DHRS7: variants seen among roughly 807,000 people sequenced by gnomAD.
DHRS7 encodes dehydrogenase/reductase SDR family member 7.
A neutral mutation model predicts 38.9 loss-of-function variants in DHRS7; 34 were observed. The ratio of observed to expected loss-of-function variants is 0.87; its 90% CI spans 0.66 to 1.16. The LOEUF (loss-of-function observed/expected upper bound fraction) is 1.16, where lower values mean the gene tolerates loss of function less well. Ranked by LOEUF, DHRS7 falls within the 50% of genes most tolerant of loss-of-function variation. DHRS7 has a pLI of 0.00. For missense variants in DHRS7, 421 were observed against 407.0 expected, an observed-to-expected ratio of 1.03 and a Z score of -0.30; for synonymous variants, 158 against 153.1, an observed-to-expected ratio of 1.03 and a Z score of -0.24.
upstream of DHRS7, chr14:60,165,403 A>G (rs1024336281): frequency 1.5e-4 from 223 of 1,476,440 alleles, 4 homozygotes; most frequent in South Asian, 2.8e-3. The surrounding 1 kb of genome is among the most constrained non-coding windows in gnomAD (Gnocchi z 4.6). Context: ...CCCTTCGGCC[A>G]GCCCAGAGCC....
Position 60,150,196 on chromosome 14 carries a change from C to CAAAAAAA in DHRS7, c.634-16_634-10dup. On this transcript the variant is annotated splice_polypyrimidine_tract_variant and intron_variant, in intron 4 of 6. Coordinates refer to ENST00000557185, the MANE Select transcript of DHRS7 (RefSeq NM_016029.4). ...AGGCCATTAAAAAAACCCTAACAGA[C>CAAAAAAA]AAAAAAAAAAAAAAAGGAAAAAGGC... The CAAAAAAA allele has an allele frequency of 8.4e-7, 1 of 1,187,718 alleles. No individual in the cohort carries two copies. 73.6% of individuals were successfully genotyped at this position (1,187,718 alleles called of 1,614,324 possible). A position where few individuals can be genotyped will look rare whatever the true frequency, so the allele number is the denominator to read the frequency against.
intron 1 of DHRS7, chr14:60,158,975 G>A: frequency 2.9e-6 from 1 of 343,834 alleles, no homozygotes; most frequent in Non-Finnish European, 5.6e-6. Flanking sequence ...GTGTCGGTGG[G>A]TCCAAGTGTC....
At chr14:60,156,911 A>C (rs1467690420) in intron 1 of DHRS7, among the ~76,000 whole-genome samples, 1 of 152,244 alleles carries the variant, frequency 6.6e-6, no homozygotes, top group Non-Finnish European at 1.5e-5. Flanking sequence ...TACTAAAGCA[A>C]TGACAAATGG....
chr14:60,166,807 T>A (rs1297484798), upstream of DHRS7, among the ~76,000 whole-genome samples: 1 of 152,240 alleles, frequency 6.6e-6, no homozygotes, highest in African/African-American at 2.4e-5. Context: ...AACTTTAGAA[T>A]CCTTGAAATA....
intron 4 of DHRS7, 186 bp downstream of exon 4, chr14:60,152,753 G>T: frequency 1.6e-6 from 1 of 613,804 alleles, no homozygotes. Flanking sequence ...TGTTCAACAA[G>T]TTAGAGGCAT....
upstream of DHRS7, chr14:60,166,120 C>T (rs920791892): frequency 1.5e-6 from 1 of 687,690 alleles, no homozygotes; most frequent in Non-Finnish European, 1.8e-6. Flanking sequence ...CTCTAATACA[C>T]AAAAGAGTAA....
rs1336404870 is a variant in DHRS7, at chr14:60,144,136, A to C, written c.*830T>G. On this transcript the variant is annotated 3_prime_UTR_variant, in exon 7 of 7. Transcript: ENST00000557185. ...CACTCCAGTACAGTAGAAGACATAC[A>C]ACAGGTGTTTAATGAATAATAGGTG... 2.6e-5 allele frequency: 4 copies of C among 152,266 alleles called. No homozygotes were observed. Among genetic ancestry groups the C allele is most frequent in the Non-Finnish European group, 2.9e-5 (2 of 68,074 alleles). 9.4% of individuals were successfully genotyped at this position (152,266 alleles called of 1,614,324 possible).
At chr14:60,168,137 T>C (rs1896889732), upstream of DHRS7, among the ~76,000 whole-genome samples, 1 of 152,234 alleles carries the variant, frequency 6.6e-6, no homozygotes, top group African/African-American at 2.4e-5. Context: ...CTTACTTTCT[T>C]ACCTTTAGTA....
At chr14:60,155,855 C>CA in intron 2 of DHRS7, 145 bp downstream of exon 2, 1 of 830,268 alleles carries the variant, frequency 1.2e-6, no homozygotes, top group South Asian at 5.1e-5. Context: ...CCAATTAAGG[C>CA]AAAAAGGAGA....
chr14:60,150,193 AGAC>A lies in DHRS7; in HGVS notation c.634-9_634-7del. The A allele has an allele frequency of 2.1e-6, 3 of 1,444,910 alleles. No individual in the cohort carries two copies. The highest frequency in any genetic ancestry group is 9.1e-7 in the Non-Finnish European group (1 of 1,101,142). 89.5% of individuals were successfully genotyped at this position (1,444,910 alleles called of 1,614,324 possible). ...CGAAGGCCATTAAAAAAACCCTAAC[AGAC>A]AAAAAAAAAAAAAAAGGAAAAAGGC... On this transcript the variant is annotated splice_polypyrimidine_tract_variant and splice_region_variant and intron_variant, in intron 4 of 6. Transcript: ENST00000557185.
At chr14:60,160,343 C>CTT (rs752997109) in intron 1 of DHRS7, among the ~76,000 whole-genome samples, 34 of 116,760 alleles carry the variant, frequency 2.9e-4, no homozygotes, top group East Asian at 1.2e-3. Flanking sequence ...AAAAAAACTT[C>CTT]TTTTTTTTTT....
intron 1 of DHRS7, among the ~76,000 whole-genome samples, chr14:60,158,232 GAAAAAA>G (rs34207942): frequency 2.2e-4 from 18 of 83,164 alleles, no homozygotes; most frequent in South Asian, 4.9e-4. Context: ...GACTCTGTCG[GAAAAAA>G]AAAAAAAAAA....
At chr14:60,164,832 G>A (rs1404793861) in intron 1 of DHRS7, among the ~76,000 whole-genome samples, 1 of 152,192 alleles carries the variant, frequency 6.6e-6, no homozygotes, top group Non-Finnish European at 1.5e-5. Flanking sequence ...CGTCCTCTGA[G>A]ACAACACCAG....
intron 1 of DHRS7, among the ~76,000 whole-genome samples, chr14:60,160,889 C>T (rs1896753339): frequency 6.6e-6 from 1 of 152,166 alleles, no homozygotes; most frequent in Non-Finnish European, 1.5e-5. Flanking sequence ...CCGCATCTGG[C>T]CAACTTTGAC....
upstream of DHRS7, chr14:60,168,732 T>C: frequency 6.4e-7 from 1 of 1,561,648 alleles, no homozygotes; most frequent in Non-Finnish European, 8.7e-7. Flanking sequence ...AACAGAAATT[T>C]ATGGTCTCAG....
rs1181960910 is a variant in DHRS7, at chr14:60,153,733, T to G, written c.393+226A>C. On this transcript the variant is annotated intron_variant, in intron 3 of 6. Transcript: ENST00000557185. The surrounding 1 kb of genome is among the most constrained non-coding windows in gnomAD (Gnocchi z 4.4). The stretch of plus-strand genomic sequence containing the variant: ...TAAATAAATAAAAGCAGCCGTGAAT[T>G]TTTAGCTTCTTTTGTTCTACATGGA... Among the ~76,000 whole-genome samples the G allele has an allele frequency of 1.4e-5, 2 of 147,890 alleles. No individual in the cohort carries two copies. The highest frequency in any genetic ancestry group is 5.2e-5 in the African/African-American group (2 of 38,688).
rs570778075 is a variant in DHRS7, at chr14:60,145,699, T to C, written c.973-686A>G. 6.6e-6 allele frequency: 1 copy of C among 151,788 alleles called. No individual in the cohort carries two copies. Among genetic ancestry groups the C allele is most frequent in the Non-Finnish European group, 1.5e-5 (1 of 67,932 alleles). The allele number at this position is 151,788 out of a possible 1,614,324, so 9.4% of individuals were successfully genotyped here. On this transcript the variant is annotated intron_variant, in intron 6 of 6. Transcript: ENST00000557185. The surrounding 1 kb of genome is among the most constrained non-coding windows in gnomAD (Gnocchi z 4.0). Reference sequence around the variant, plus strand: ...CAAAAAAAATAAAAAGAAAAAAAAATTATTTGTGAACTTTTTGTATATTGC... The same window carrying C: ...CAAAAAAAATAAAAAGAAAAAAAAACTATTTGTGAACTTTTTGTATATTGC...
upstream of DHRS7, chr14:60,169,157 A>AAAAAAAAAAAAAAAAAAAAAAAAAC (rs1566539386): frequency 6.7e-6 from 1 of 150,228 alleles, no homozygotes; most frequent in African/African-American, 2.6e-5. Context: ...AAAAAAAAAA[A>AAAAAAAAAAAAAAAAAAAAAAAAAC]AAAACCATTG....
chr14:60,147,246 AT>A (rs1896430936), intron 6 of DHRS7: 1 of 152,160 alleles, frequency 6.6e-6, no homozygotes, highest in South Asian at 2.1e-4. Flanking sequence ...AAGAAAAAAA[AT>A]GGTAGATATT....
Sources: gnomAD v4.1 joint callset for allele counts (sites outside exome capture counted in the v4.1 genomes callset) on GRCh38, gnomAD v4.1.1 for gene constraint, Gnocchi (gnomAD v3.1) non-coding constraint, MANE v1.5 for transcripts, NCBI Gene and HGNC (gene_info 2026-07-23, HGNC 2026-07-21) for gene names.